The following RNF180 variants were observed in gnomAD, a reference collection of about 807,000 sequenced individuals.
RNF180 encodes the protein ring finger protein 180.
In RNF180, 38 loss-of-function variants were observed where a neutral mutation model predicts 59.2. The ratio of observed to expected loss-of-function variants is 0.64; its 90% CI spans 0.50 to 0.84. RNF180 has a LOEUF of 0.84. RNF180 is among the 40% of genes least tolerant of loss of function. The pLI, the probability that RNF180 is intolerant of heterozygous loss-of-function variation, is 0.00. For missense variants in RNF180, 705 were observed against 700.9 expected (o/e 1.01, Z -0.07); for synonymous variants, 262 against 240.3 (o/e 1.09, Z -0.84).
chr5:64,276,925 C>T (rs764314596), intron 5 of RNF180, among the ~76,000 whole-genome samples: 10 of 151,982 alleles, frequency 6.6e-5, no homozygotes, highest in Non-Finnish European at 1.5e-5. Flanking sequence ...CTCCTTCTGC[C>T]ATTTAACACT....
intron 5 of RNF180, among the ~76,000 whole-genome samples, chr5:64,232,194 T>C (rs1742139558): frequency 6.6e-6 from 1 of 152,200 alleles, no homozygotes; most frequent in African/African-American, 2.4e-5. Flanking sequence ...GAGATTTACC[T>C]TAGGAACATA....
At chr5:64,233,521 C>T (rs933575201) in intron 5 of RNF180, among the ~76,000 whole-genome samples, 3 of 152,106 alleles carry the variant, frequency 2.0e-5, no homozygotes, top group South Asian at 2.1e-4. Flanking sequence ...GGACTATATA[C>T]GTACATTCTT....
At chr5:64,218,445 A>G (rs1278809989) in intron 5 of RNF180, among the ~76,000 whole-genome samples, 1 of 152,120 alleles carries the variant, frequency 6.6e-6, no homozygotes, top group South Asian at 2.1e-4. Flanking sequence ...GTGTGGGTAT[A>G]TTTCTGGACT....
chr5:64,331,318 C>T (rs1744898046), intron 7 of RNF180, among the ~76,000 whole-genome samples: 2 of 152,228 alleles, frequency 1.3e-5, no homozygotes, highest in South Asian at 4.1e-4. Context: ...GCCCCACCTT[C>T]TTCAAACCTG....
At chr5:64,282,738 C>A (rs916134316) in intron 5 of RNF180, among the ~76,000 whole-genome samples, 2 of 152,040 alleles carry the variant, frequency 1.3e-5, no homozygotes, top group East Asian at 1.9e-4. Context: ...ATATCTTTAT[C>A]CTCATTTGTT....
intron 5 of RNF180, among the ~76,000 whole-genome samples, chr5:64,243,489 C>A (rs775387181): frequency 9.9e-5 from 15 of 152,190 alleles, no homozygotes; most frequent in Non-Finnish European, 2.1e-4. Flanking sequence ...CTGGGTGGGG[C>A]TCACTGCAGC....
intron 5 of RNF180, among the ~76,000 whole-genome samples, chr5:64,318,748 C>T (rs1744192840): frequency 6.6e-6 from 1 of 151,826 alleles, no homozygotes; most frequent in Admixed American, 6.6e-5. Flanking sequence ...AGCAATATAC[C>T]ATCAGTTGAA....
chr5:64,319,939 A>G (rs1237985179), intron 5 of RNF180, among the ~76,000 whole-genome samples: 1 of 152,218 alleles, frequency 6.6e-6, no homozygotes, highest in Non-Finnish European at 1.5e-5. Flanking sequence ...TGATCTGAAC[A>G]TTGTTTAAAA....
intron 5 of RNF180, among the ~76,000 whole-genome samples, chr5:64,322,602 C>CGTGCGTGT (rs755736808): frequency 7.0e-6 from 1 of 143,428 alleles, no homozygotes; most frequent in East Asian, 2.1e-4. Flanking sequence ...TATATATATA[C>CGTGCGTGT]GTGTGTGTGT....
At chr5:64,245,283 A>T (rs1465283222) in intron 5 of RNF180, among the ~76,000 whole-genome samples, 1 of 152,218 alleles carries the variant, frequency 6.6e-6, no homozygotes, top group Non-Finnish European at 1.5e-5. Context: ...AACCTTAAAT[A>T]TAAATGGGCT....
At position 64,325,296 on chromosome 5, in the gene RNF180, C is replaced by T. The variant is rs1744578591; in HGVS notation, c.1338C>T (p.Tyr446=). The stretch of plus-strand genomic sequence containing the variant: ...TTTATTTCAACCCTTATATGTGTTA[C>T]CCTTGCCATCACATCTTCTGTGAGC... ...LDVYFNPYMC[Y]PCHHIFCEPC... The change falls in exon 6 of 8, where the codon TAC becomes TAT. Residue 446 remains tyrosine (Y), a synonymous_variant. Coordinates refer to ENST00000389100, the MANE Select transcript of RNF180 (RefSeq NM_001113561.2). The T allele has an allele frequency of 1.3e-6, 2 of 1,551,082 alleles. No individual in the cohort carries two copies. The highest frequency in any genetic ancestry group is 3.9e-5 in the Admixed American group (2 of 51,002).
chr5:64,189,825 C>A (rs1751047758), intron 1 of RNF180, among the ~76,000 whole-genome samples: 1 of 152,172 alleles, frequency 6.6e-6, no homozygotes, highest in Non-Finnish European at 1.5e-5. Flanking sequence ...AGCAGAGATA[C>A]TGCCATTTTG....
At chr5:64,180,475 C>T (rs1750511989) in intron 1 of RNF180, among the ~76,000 whole-genome samples, 1 of 152,134 alleles carries the variant, frequency 6.6e-6, no homozygotes, top group South Asian at 2.1e-4. Flanking sequence ...TAGCAGCCTC[C>T]AGTGTACCAT....
At chr5:64,192,084 C>G (rs954041403) in intron 1 of RNF180, among the ~76,000 whole-genome samples, 4 of 151,870 alleles carry the variant, frequency 2.6e-5, no homozygotes, top group Non-Finnish European at 4.4e-5. Flanking sequence ...ACACCCTTGT[C>G]AAAGATCACT....
At chr5:64,276,708 G>A (rs919325525) in intron 5 of RNF180, among the ~76,000 whole-genome samples, 5 of 151,662 alleles carry the variant, frequency 3.3e-5, no homozygotes, top group Non-Finnish European at 5.9e-5. Context: ...AAATAAATGA[G>A]GGAATACAAA....
At position 64,334,309 on chromosome 5, in the gene RNF180, G is replaced by A. The variant is rs572689454; in HGVS notation, c.1579+3903G>A. Among the ~76,000 whole-genome samples the A allele has an allele frequency of 8.5e-5, 13 of 152,266 alleles. 1 individual carries two copies. The highest frequency in any genetic ancestry group is 8.5e-4 in the Admixed American group (13 of 15,292). ...ATATAAGTAGTAACAAAGGTGCTGG[G>A]AATATGAATATAAATACGTAAAAGT... On this transcript the variant is annotated intron_variant, in intron 7 of 7. Transcript: ENST00000389100.
chr5:64,292,917 A>G (rs760437812), intron 5 of RNF180, among the ~76,000 whole-genome samples: 3 of 152,218 alleles, frequency 2.0e-5, no homozygotes, highest in Non-Finnish European at 4.4e-5. Context: ...AATCTGGCAC[A>G]GCAGATGTGC....
At chr5:64,289,399 G>T (rs1052339537) in intron 5 of RNF180, among the ~76,000 whole-genome samples, 1 of 152,144 alleles carries the variant, frequency 6.6e-6, no homozygotes, top group African/African-American at 2.4e-5. Context: ...GATGATACTG[G>T]TCTCATAAAA....
chr5:64,216,385 CACTT>C (rs773716815), intron 4 of RNF180, among the ~76,000 whole-genome samples: 35 of 152,190 alleles, frequency 2.3e-4, no homozygotes, highest in Middle Eastern at 6.8e-3. Flanking sequence ...ATTATGTAAA[CACTT>C]ACTAAAGCTT....
Sources: gnomAD v4.1 joint callset for allele counts (sites outside exome capture counted in the v4.1 genomes callset) on GRCh38, gnomAD v4.1.1 for gene constraint, MANE v1.5 for transcripts, NCBI Gene and HGNC (gene_info 2026-07-23, HGNC 2026-07-21) for gene names.